The following FAM3A variants were observed in gnomAD, a reference collection of about 807,000 sequenced individuals.
FAM3A encodes the protein FAM3 metabolism regulating signaling molecule A, also known as protein FAM3A.
In FAM3A, 5 loss-of-function variants were observed where a neutral mutation model predicts 18.1. The ratio of observed to expected loss-of-function variants is 0.28; its 90% CI spans 0.14 to 0.58. The LOEUF (loss-of-function observed/expected upper bound fraction) is 0.58, where lower values mean the gene tolerates loss of function less well. Among genes scored for constraint, FAM3A ranks in the 20% least tolerant of loss-of-function variants. The probability of loss-of-function intolerance (pLI) is 0.91; values close to 1 mark genes in which losing one functional copy is unlikely to be tolerated. For missense variants in FAM3A, 154 were observed against 216.6 expected (o/e 0.71, Z 1.81); for synonymous variants, 108 against 90.2 (o/e 1.20, Z -1.12).
intron 3 of FAM3A, chrX:154,511,492 C>T (rs782565657): frequency 5.0e-6 from 1 of 199,141 alleles, no homozygotes; most frequent in African/African-American, 2.9e-5. Flanking sequence ...TGGGTCATTC[C>T]AGCAGGCCCA....
At chrX:154,507,887 T>C in intron 5 of FAM3A, 26 bp from the exon 6 acceptor site, 1 of 1,177,308 alleles carries the variant, frequency 8.5e-7, no homozygotes, top group East Asian at 3.1e-5. Context: ...GGGGCCCTGC[T>C]GGGTAAGCCA....
At chrX:154,507,954 G>A in intron 5 of FAM3A, 93 bp from the exon 6 acceptor site, 2 of 783,106 alleles carry the variant, frequency 2.6e-6, no homozygotes, top group Non-Finnish European at 3.7e-6. Context: ...CAGCCCTTCT[G>A]GAAGCTTTCA....
In FAM3A at chrX:154,508,360, GGGT is replaced by G; in HGVS notation, c.276-16_276-14del. ...GCTGCTCATCAGCCTAGTTGGGGGGGGGTGGGGGGGACGGGGAGATCCCACATG... is the reference window on the plus strand; with the variant it reads ...GCTGCTCATCAGCCTAGTTGGGGGGGGGGGGGGACGGGGAGATCCCACATG... On this transcript the variant is annotated splice_polypyrimidine_tract_variant and intron_variant, in intron 4 of 8. Coordinates refer to ENST00000447601, the MANE Select transcript of FAM3A (RefSeq NM_021806.4). 2.5e-6 allele frequency: 1 copy of G among 394,612 alleles called. No homozygotes were observed. Among genetic ancestry groups the G allele is most frequent in the East Asian group, 6.5e-5 (1 of 15,443 alleles). 32.5% of individuals were successfully genotyped at this position (394,612 alleles called of 1,213,427 possible).
chrX:154,508,749 C>CAGAGTATGGAAGTG, intron 3 of FAM3A, 152 bp from the exon 4 acceptor site: 1 of 648,582 alleles, frequency 1.5e-6, no homozygotes, highest in African/African-American at 2.2e-5. Flanking sequence ...GCTGGGGACA[C>CAGAGTATGGAAGTG]TTCCATACTC....
At chrX:154,508,945 CAG>C (rs1184637571) in intron 3 of FAM3A, 4 of 276,622 alleles carry the variant, frequency 1.4e-5, no homozygotes, top group Non-Finnish European at 2.8e-5. Context: ...GGCAGTGTGG[CAG>C]GGGGTAGTGT....
rs2148304576 is a variant in FAM3A at position 154,511,791 on chromosome X, CG to C, written c.151+56del. 5.3e-6 allele frequency: 6 copies of C among 1,132,807 alleles called. No individual in the cohort carries two copies. In the East Asian group the frequency reaches 9.0e-5, roughly 17 times the overall value. 93.4% of individuals were successfully genotyped at this position (1,132,807 alleles called of 1,213,427 possible). On this transcript the variant is annotated intron_variant, in intron 3 of 8. Transcript: ENST00000447601. ...ATGGAAAACCGAAGCCCTACGGGAC[CG>C]GGGGCAGGCAGGGATGTCACAAAGG...
chrX:154,509,006 G>A, intron 3 of FAM3A: 1 of 271,123 alleles, frequency 3.7e-6, no homozygotes. Flanking sequence ...TTGGTTGGGA[G>A]GACTGGAGCA....
intron 3 of FAM3A, chrX:154,508,901 G>A: frequency 1.0e-5 from 4 of 395,060 alleles, no homozygotes; most frequent in South Asian, 5.7e-5. Flanking sequence ...CAGGCTGGGG[G>A]TCTAGCTGCA....
rs1369893654 is a variant in FAM3A at position 154,512,251 on chromosome X, T to TAAG, written c.128-381_128-380insCTT. ...ACAATAATAATAATAATAATAATAA[T>TAAG]AATAATAATAATAATAAGAAGAAGA... On this transcript the variant is annotated intron_variant, in intron 2 of 8. Coordinates refer to ENST00000447601, the MANE Select transcript of FAM3A (RefSeq NM_021806.4). 7.8e-4 allele frequency: 107 copies of TAAG among 136,947 alleles called. 1 individual carries two copies. The highest frequency in any genetic ancestry group is 5.6e-3 in the Middle Eastern group (2 of 360). The allele number at this position is 136,947 out of a possible 1,213,427, so 11.3% of individuals were successfully genotyped here.
chrX:154,507,357 C>G (rs2069601980), intron 7 of FAM3A, 28 bp from the exon 8 acceptor site: 1 of 1,210,337 alleles, frequency 8.3e-7, no homozygotes, highest in South Asian at 1.8e-5. Flanking sequence ...GGGGTGTCAG[C>G]TGTTGCTGCA....
rs944016564 is a variant in FAM3A at position 154,506,751 on chromosome X, G to A, written c.*60C>T. On this transcript the variant is annotated 3_prime_UTR_variant, in exon 9 of 9. Coordinates refer to ENST00000447601, the MANE Select transcript of FAM3A (RefSeq NM_021806.4). Reference sequence around the variant, plus strand: ...TGTGAGCCTCAGCCTCTGTCCGCCCGGCAGCGCGCGTGCCTCCCTTGGTCT... The same window carrying A: ...TGTGAGCCTCAGCCTCTGTCCGCCCAGCAGCGCGCGTGCCTCCCTTGGTCT... 114 of 994,334 alleles carry A rather than the reference G, an allele frequency of 1.1e-4. No individual in the cohort carries two copies. Among genetic ancestry groups the A allele is most frequent in the African/African-American group, 6.6e-4 (35 of 53,344 alleles). 81.9% of individuals were successfully genotyped at this position (994,334 alleles called of 1,213,427 possible).
chrX:154,509,941 G>C (rs2069775252), intron 3 of FAM3A: 1 of 112,788 alleles, frequency 8.9e-6, no homozygotes, highest in Non-Finnish European at 1.9e-5. Context: ...GCCTTTAAGA[G>C]ACTGTTGGTA....
intron 1 of FAM3A, among the ~76,000 whole-genome samples, chrX:154,513,599 C>T (rs2148311126): frequency 9.0e-6 from 1 of 110,641 alleles, no homozygotes; most frequent in East Asian, 2.8e-4. Context: ...CACTGCACTC[C>T]AGCCTGGCGA....
At chrX:154,508,939 G>C (rs1380202248) in intron 3 of FAM3A, 2 of 320,714 alleles carry the variant, frequency 6.2e-6, no homozygotes, top group African/African-American at 5.3e-5. Context: ...AGCAAAGGCA[G>C]TGTGGCAGGG....
rs782239776 is a variant in FAM3A at position 154,508,476 on chromosome X, C to A, written c.273G>T (p.Lys91Asn). 2.0e-5 allele frequency: 24 copies of A among 1,205,551 alleles called. No homozygotes were observed. The South Asian group carries it at 3.7e-4, about 19-fold the overall frequency. The change falls in exon 4 of 9, where the codon AAG (lysine) becomes AAT (asparagine). Residue 91 changes from lysine (K) to asparagine (N), a missense_variant and splice_region_variant. Around this residue, in one of 3 missense-constraint regions of FAM3A, gnomAD observed 112 missense variants for 160.0 expected, o/e 0.70. Transcript: ENST00000447601. ...VIGPKICLED[K>N]MLMSSVKDNV... ...CCCAGTCACCCCAGGGAGCTCACAT[C>A]TTGTCCTCGAGGCAGATCTTGGGCC... is the stretch of plus-strand genomic sequence containing the variant.
chrX:154,508,895 C>T, intron 3 of FAM3A: 1 of 408,264 alleles, frequency 2.4e-6, no homozygotes, highest in Non-Finnish European at 4.7e-6. Flanking sequence ...GTAAGTCAGG[C>T]TGGGGGTCTA....
rs782298933 is a variant in FAM3A, at chrX:154,507,225, T to G, written c.575A>C (p.Gln192Pro). 1 of 1,206,372 alleles carries G rather than the reference T, an allele frequency of 8.3e-7. No individual in the cohort carries two copies. Among genetic ancestry groups the G allele is most frequent in the Admixed American group, 2.2e-5 (1 of 45,552 alleles). Residue 192 changes from glutamine (Q) to proline (P), a missense_variant, in exon 8 of 9, where the codon CAG (glutamine) becomes CCG (proline). Around this residue, in one of 3 missense-constraint regions of FAM3A, gnomAD observed 39 missense variants for 38.5 expected, o/e 1.01. Coordinates refer to ENST00000447601, the MANE Select transcript of FAM3A (RefSeq NM_021806.4). ...TACCTGCTCAAAGGGGCTCTTGTTC[T>G]GCACACCCTTGGCCCCGACAAACAC... ...SWVFVGAKGV[Q>P]NKSPFEQHVK...
In FAM3A at chrX:154,506,218, C is replaced by G. The variant is rs1163139529; in HGVS notation, c.*593G>C. ...TAAGGGGTCATCTAGAAGGTGGGCC[C>G]CCTGACAAACCGCGGGACTGTGATC... On this transcript the variant is annotated 3_prime_UTR_variant, in exon 9 of 9. Transcript: ENST00000447601. The G allele has an allele frequency of 8.8e-6, 1 of 113,939 alleles. No individual in the cohort carries two copies. Among genetic ancestry groups the G allele is most frequent in the Non-Finnish European group, 1.8e-5 (1 of 54,633 alleles). 9.4% of individuals were successfully genotyped at this position (113,939 alleles called of 1,213,427 possible). A position where few individuals can be genotyped will look rare whatever the true frequency, so the allele number is the denominator to read the frequency against.
At chrX:154,514,883 C>T (rs782549692) in intron 1 of FAM3A, among the ~76,000 whole-genome samples, 4 of 109,470 alleles carry the variant, frequency 3.7e-5, no homozygotes, top group Non-Finnish European at 5.7e-5. Flanking sequence ...CTCGCTCTGT[C>T]GCCCAGGCTG....
Sources: gnomAD v4.1 joint callset for allele counts (sites outside exome capture counted in the v4.1 genomes callset) on GRCh38, gnomAD v4.1.1 for gene constraint, gnomAD v4.1.1 regional missense constraint, MANE v1.5 for transcripts, NCBI Gene and HGNC (gene_info 2026-07-23, HGNC 2026-07-21) for gene names.